Variants in MAPK10 observed in about 807,000 individuals in gnomAD.
MAPK10 encodes the protein JNK3 alpha protein kinase.
MAPK10 carries 25 observed loss-of-function variants against 59.3 expected under a neutral mutation model. The observed-to-expected ratio is 0.42, with a 90% CI of 0.31 to 0.59. The LOEUF (loss-of-function observed/expected upper bound fraction) is 0.59, where lower values mean the gene tolerates loss of function less well. Ranked by LOEUF, MAPK10 falls within the 20% of genes least tolerant of loss-of-function variation. The pLI is 0.15. For synonymous variants in MAPK10, 190 were observed against 200.5 expected, an observed-to-expected ratio of 0.95 and a Z score of 0.44; for missense variants, 351 against 568.9, an observed-to-expected ratio of 0.62 and a Z score of 3.90.
At chr4:86,544,454 G>A (rs1320718639) in intron 1 of MAPK10, among the ~76,000 whole-genome samples, 1 of 152,158 alleles carries the variant, frequency 6.6e-6, no homozygotes, top group African/African-American at 2.4e-5. Context: ...AGCAGTGTAG[G>A]AAGCCACAAA....
chr4:86,040,180 A>C (rs887139558), intron 11 of MAPK10, among the ~76,000 whole-genome samples: 1 of 152,226 alleles, frequency 6.6e-6, no homozygotes, highest in Non-Finnish European at 1.5e-5. Context: ...AGAAGTGGAA[A>C]TATATAAACT....
intron 2 of MAPK10, chr4:86,340,332 G>A (rs1390043834): frequency 6.5e-6 from 1 of 153,044 alleles, no homozygotes; most frequent in Non-Finnish European, 1.5e-5. Context: ...AGGTTTAATT[G>A]ACTCACAGTT....
At chr4:86,424,808 G>A (rs1747052276) in intron 1 of MAPK10, among the ~76,000 whole-genome samples, 1 of 152,112 alleles carries the variant, frequency 6.6e-6, no homozygotes, top group African/African-American at 2.4e-5. Flanking sequence ...GAAGAATTGT[G>A]ACTAATTTGA....
rs1025859729 is a variant in MAPK10 at position 86,206,130 on chromosome 4, G to T, written c.-6-11723C>A. 2.0e-5 allele frequency among the ~76,000 whole-genome samples: 3 copies of T among 151,822 alleles called. No individual in the cohort carries two copies. In the South Asian group the frequency reaches 6.2e-4, roughly 32 times the overall value. ...TACATATGTATACATGTGCCATGCT[G>T]CTGTGCTGCACCCATTAACTCGTCA... On this transcript the variant is annotated intron_variant, in intron 2 of 13. Coordinates refer to ENST00000641462, the MANE Select transcript of MAPK10 (RefSeq NM_138982.4).
chr4:86,205,903 A>T (rs2083737145), intron 2 of MAPK10, among the ~76,000 whole-genome samples: 1 of 152,062 alleles, frequency 6.6e-6, no homozygotes, highest in Non-Finnish European at 1.5e-5. Flanking sequence ...TCCCTCTCAG[A>T]TTTAATAAAA....
chr4:86,030,342 A>G (rs2038729900), intron 12 of MAPK10, among the ~76,000 whole-genome samples: 1 of 151,970 alleles, frequency 6.6e-6, no homozygotes, highest in Admixed American at 6.6e-5. Context: ...ACATATATAT[A>G]TAGAGAGAGG....
At chr4:86,363,074 T>C (rs1293209773), upstream of MAPK10, among the ~76,000 whole-genome samples, 1 of 152,166 alleles carries the variant, frequency 6.6e-6, no homozygotes, top group East Asian at 1.9e-4. Flanking sequence ...ATAATTATGA[T>C]ATACAGTCAG....
chr4:86,252,464 T>C (rs2093497718), intron 2 of MAPK10, among the ~76,000 whole-genome samples: 1 of 135,764 alleles, frequency 7.4e-6, no homozygotes, highest in South Asian at 2.4e-4. Flanking sequence ...CTCAGGTTTG[T>C]CAAAGATCAG....
At chr4:86,418,261 G>A (rs915751823) in intron 1 of MAPK10, among the ~76,000 whole-genome samples, 15 of 152,124 alleles carry the variant, frequency 9.9e-5, no homozygotes, top group African/African-American at 2.9e-4. Context: ...TTTTTAACCT[G>A]GAGAGTTATT....
chr4:86,574,196 A>G (rs1246841842), intron 1 of MAPK10, among the ~76,000 whole-genome samples: 3 of 151,230 alleles, frequency 2.0e-5, no homozygotes, highest in Non-Finnish European at 4.4e-5. Context: ...GAGAATGATG[A>G]TTTCCAATTT....
At chr4:86,137,312 A>C (rs1486768093) in intron 4 of MAPK10, among the ~76,000 whole-genome samples, 1 of 150,992 alleles carries the variant, frequency 6.6e-6, no homozygotes, top group Non-Finnish European at 1.5e-5. Flanking sequence ...AATGTAAAAG[A>C]ACAGAAATTA....
chr4:86,359,047 G>C (rs895998881), intron 1 of MAPK10, among the ~76,000 whole-genome samples: 2 of 151,966 alleles, frequency 1.3e-5, no homozygotes, highest in Non-Finnish European at 2.9e-5. Context: ...TGCTCTGCAA[G>C]AGTAACGCCA....
At chr4:86,241,976 T>C (rs2092748461) in intron 2 of MAPK10, among the ~76,000 whole-genome samples, 1 of 152,124 alleles carries the variant, frequency 6.6e-6, no homozygotes. Flanking sequence ...GTTTGTCTAG[T>C]TTTGGTCCTT....
chr4:86,258,255 C>A (rs1184026486), intron 2 of MAPK10, among the ~76,000 whole-genome samples: 1 of 152,098 alleles, frequency 6.6e-6, no homozygotes, highest in African/African-American at 2.4e-5. Flanking sequence ...TTTGCCTCTC[C>A]CCATCACTAG....
intron 1 of MAPK10, among the ~76,000 whole-genome samples, chr4:86,590,836 T>TA (rs1408085273): frequency 6.6e-6 from 1 of 152,078 alleles, no homozygotes; most frequent in African/African-American, 2.4e-5. Flanking sequence ...ATATATAACT[T>TA]ACTTTTAAAA....
Position 86,095,016 on chromosome 4 carries a change from AGT to A in MAPK10, c.802+3506_802+3507del, listed in dbSNP as rs1483636213. 2.6e-5 allele frequency: 4 copies of A among 152,074 alleles called. No homozygotes were observed. In the East Asian group the frequency reaches 7.7e-4, roughly 29 times the overall value. 9.4% of individuals were successfully genotyped at this position (152,074 alleles called of 1,614,324 possible). On this transcript the variant is annotated intron_variant, in intron 9 of 13. Coordinates refer to ENST00000641462, the MANE Select transcript of MAPK10 (RefSeq NM_138982.4). Reference sequence around the variant, plus strand: ...AATCATAAAACTATAGTGAAAATTAAGTGTATGATAGTGTATGCATAATTAAG... The same window carrying A: ...AATCATAAAACTATAGTGAAAATTAAGTATGATAGTGTATGCATAATTAAG...
intron 13 of MAPK10, among the ~76,000 whole-genome samples, chr4:86,021,673 G>A (rs1747001554): frequency 6.6e-6 from 1 of 152,260 alleles, no homozygotes; most frequent in African/African-American, 2.4e-5. Context: ...GCTCGTCGGG[G>A]AGGCTCGGGC....
At chr4:86,225,396 T>C (rs1030991024) in intron 2 of MAPK10, among the ~76,000 whole-genome samples, 1 of 152,204 alleles carries the variant, frequency 6.6e-6, no homozygotes, top group African/African-American at 2.4e-5. Context: ...GGTAGACATG[T>C]AGTCACAATC....
chr4:86,369,372 G>A (rs970396393), intron 1 of MAPK10, among the ~76,000 whole-genome samples: 2 of 152,116 alleles, frequency 1.3e-5, no homozygotes, highest in African/African-American at 2.4e-5. Flanking sequence ...TATATGAGAA[G>A]ACTTTTTCAA....
Sources: allele counts gnomAD v4.1 joint callset (sites outside exome capture counted in the v4.1 genomes callset), GRCh38; gene constraint gnomAD v4.1.1; transcripts MANE v1.5; gene names NCBI Gene and HGNC (gene_info 2026-07-23, HGNC 2026-07-21).